PCDH15: variants seen among roughly 807,000 people sequenced by gnomAD.
The protein encoded by PCDH15 is protocadherin-15.
PCDH15 carries 129 observed loss-of-function variants against 178.5 expected under a neutral mutation model. The observed-to-expected ratio is 0.72, with a 90% CI of 0.63 to 0.84. The LOEUF (loss-of-function observed/expected upper bound fraction) is 0.84, where lower values mean the gene tolerates loss of function less well. PCDH15 is among the 40% of genes least tolerant of loss of function. The pLI is 0.00. For missense variants in PCDH15, 2,230 were observed against 2,099.9 expected (o/e 1.06, Z -1.21); for synonymous variants, 800 against 732.0 (o/e 1.09, Z -1.50).
intron 2 of PCDH15, among the ~76,000 whole-genome samples, chr10:55,539,224 T>C (rs1841702095): frequency 6.6e-6 from 1 of 152,078 alleles, no homozygotes; most frequent in African/African-American, 2.4e-5. Context: ...ACACCATTTG[T>C]ATTATTATTT....
At chr10:55,252,101 A>C (rs1257992994) in intron 1 of PCDH15, among the ~76,000 whole-genome samples, 1 of 152,216 alleles carries the variant, frequency 6.6e-6, no homozygotes, top group Non-Finnish European at 1.5e-5. Context: ...AGCTTTAAAA[A>C]ATTATTCAGA....
intron 2 of PCDH15, among the ~76,000 whole-genome samples, chr10:55,426,976 T>C (rs1220546909): frequency 6.6e-6 from 1 of 152,010 alleles, no homozygotes; most frequent in Non-Finnish European, 1.5e-5. Context: ...GGGCACAGGA[T>C]GGTGGGTACA....
chr10:54,341,702 G>A (rs1942262767), intron 6 of PCDH15, among the ~76,000 whole-genome samples: 1 of 152,206 alleles, frequency 6.6e-6, no homozygotes, highest in Non-Finnish European at 1.5e-5. Flanking sequence ...CCTTCCTAGA[G>A]ACTTTGTGAA....
chr10:53,831,433 T>C lies in PCDH15; in HGVS notation c.4084A>G (p.Ser1362Gly), dbSNP rs1343337397. 1.9e-6 allele frequency: 3 copies of C among 1,614,182 alleles called. No homozygotes were observed. The highest frequency in any genetic ancestry group is 1.7e-6 in the Non-Finnish European group (2 of 1,180,030). ...LEIRTPEAVT[S>G]IKKRGESLGY... ...AGACTTTCTCCTCTCTTTTTAATGCTGGTCACTGCCTCTGGAGTCCGGATC... is the reference window on the plus strand; with the variant it reads ...AGACTTTCTCCTCTCTTTTTAATGCCGGTCACTGCCTCTGGAGTCCGGATC... Residue 1362 changes from serine (S) to glycine (G), a missense_variant, in exon 30 of 38, where the codon AGC (serine) becomes GGC (glycine). Coordinates refer to ENST00000644397, the MANE Select transcript of PCDH15 (RefSeq NM_001384140.1).
At chr10:54,896,383 C>T (rs978569655) in intron 3 of PCDH15, among the ~76,000 whole-genome samples, 1 of 152,078 alleles carries the variant, frequency 6.6e-6, no homozygotes, top group Admixed American at 6.6e-5. Flanking sequence ...ATTCCAAATT[C>T]TATCCAGCTG....
intron 1 of PCDH15, among the ~76,000 whole-genome samples, chr10:54,752,247 C>T (rs940628109): frequency 2.0e-5 from 3 of 151,244 alleles, no homozygotes; most frequent in South Asian, 2.1e-4. Context: ...GAGGCCGAGG[C>T]GGACAGATCA....
intron 32 of PCDH15, chr10:53,822,844 T>C (rs1486652689): frequency 6.2e-7 from 1 of 1,614,010 alleles, no homozygotes; most frequent in Non-Finnish European, 8.5e-7. Context: ...GCCTCTTCAG[T>C]TGTAAGCAAT....
Position 54,557,148 on chromosome 10 carries a change from T to C in PCDH15, c.92-29271A>G, listed in dbSNP as rs190002217. ...TGGGTAATTACAGTGGGTAATCTTC[T>C]GATGTTTCTGCATTATATTCTCTAC... On this transcript the variant is annotated intron_variant, in intron 2 of 37. Coordinates refer to ENST00000644397, the MANE Select transcript of PCDH15 (RefSeq NM_001384140.1). 2.9e-4 allele frequency among the ~76,000 whole-genome samples: 44 copies of C among 152,262 alleles called. No homozygotes were observed. In the East Asian group the frequency reaches 5.8e-3, roughly 20 times the overall value.
chr10:54,382,285 G>T (rs1178160471), intron 3 of PCDH15, among the ~76,000 whole-genome samples: 1 of 152,034 alleles, frequency 6.6e-6, no homozygotes, highest in Non-Finnish European at 1.5e-5. Context: ...TAACTTTGCA[G>T]CTTCTTTTTA....
At chr10:55,456,596 T>A (rs866530517) in intron 2 of PCDH15, among the ~76,000 whole-genome samples, 1 of 152,070 alleles carries the variant, frequency 6.6e-6, no homozygotes, top group Non-Finnish European at 1.5e-5. Flanking sequence ...GAAAACCTTA[T>A]TGAATATTTT....
intron 2 of PCDH15, among the ~76,000 whole-genome samples, chr10:55,598,521 T>TA (rs1332471088): frequency 6.6e-5 from 1 of 15,204 alleles, no homozygotes; most frequent in Non-Finnish European, 1.1e-4. Context: ...CTAATATATA[T>TA]ATATATATAT....
intron 15 of PCDH15, among the ~76,000 whole-genome samples, chr10:54,110,936 A>G (rs2095011124): frequency 6.6e-6 from 1 of 152,204 alleles, no homozygotes; most frequent in Non-Finnish European, 1.5e-5. Flanking sequence ...TCAATTTAAA[A>G]TACATTGTTT....
At chr10:55,029,282 T>G (rs1453155688) in intron 2 of PCDH15, among the ~76,000 whole-genome samples, 2 of 152,052 alleles carry the variant, frequency 1.3e-5, no homozygotes, top group Non-Finnish European at 2.9e-5. Context: ...AAATAGTATC[T>G]GTTATGTTTT....
intron 14 of PCDH15, among the ~76,000 whole-genome samples, chr10:54,152,686 G>C (rs73245418): frequency 0.016 from 2,353 of 148,680 alleles, 72 homozygotes; most frequent in African/African-American, 0.055. Flanking sequence ...TTAGCTTGCT[G>C]TGTGTGTGTG....
intron 2 of PCDH15, among the ~76,000 whole-genome samples, chr10:55,092,620 T>C (rs895710096): frequency 3.3e-5 from 5 of 151,928 alleles, no homozygotes; most frequent in African/African-American, 4.8e-5. Flanking sequence ...TGGCTCAATA[T>C]GGTCTTAATT....
chr10:55,410,429 T>G (rs1303671674), intron 2 of PCDH15, among the ~76,000 whole-genome samples: 1 of 152,128 alleles, frequency 6.6e-6, no homozygotes, highest in Non-Finnish European at 1.5e-5. Flanking sequence ...GATTTCACTC[T>G]GGAGTTCCTG....
In PCDH15 at chr10:54,518,981, T is replaced by C. The variant is rs1055257830; in HGVS notation, c.157+8831A>G. ...AAAATCACATGATTATCTCAATAGA[T>C]GCAGAAAAGGCCTTTGACAAAATTC... On this transcript the variant is annotated intron_variant, in intron 3 of 37. Transcript: ENST00000644397. 8.5e-5 allele frequency among the ~76,000 whole-genome samples: 13 copies of C among 152,326 alleles called. 1 individual carries two copies. The South Asian group carries it at 1.7e-3, about 19-fold the overall frequency.
chr10:53,975,855 C>T (rs1025529580), intron 21 of PCDH15, among the ~76,000 whole-genome samples: 1 of 152,100 alleles, frequency 6.6e-6, no homozygotes, highest in Non-Finnish European at 1.5e-5. Flanking sequence ...AGAGCAATGT[C>T]TAGAATGATA....
chr10:54,854,891 C>A (rs985016432), intron 3 of PCDH15, among the ~76,000 whole-genome samples: 2 of 152,202 alleles, frequency 1.3e-5, no homozygotes, highest in African/African-American at 4.8e-5. Context: ...GGACCCACCC[C>A]CTTCCACCCA....
Sources: allele counts gnomAD v4.1 joint callset (sites outside exome capture counted in the v4.1 genomes callset), GRCh38; gene constraint gnomAD v4.1.1; transcripts MANE v1.5; gene names NCBI Gene and HGNC (gene_info 2026-07-23, HGNC 2026-07-21).